XPNPEP3: variants seen among roughly 807,000 people sequenced by gnomAD.
XPNPEP3 encodes X-prolyl aminopeptidase 3.
XPNPEP3 carries 41 observed loss-of-function variants against 60.0 expected under a neutral mutation model. The ratio of observed to expected loss-of-function variants is 0.68; its 90% CI spans 0.53 to 0.89. The LOEUF (loss-of-function observed/expected upper bound fraction) is 0.89. XPNPEP3 is among the 40% of genes least tolerant of loss of function. XPNPEP3 has a pLI of 0.00. For synonymous variants in XPNPEP3, 212 were observed against 223.2 expected, an observed-to-expected ratio of 0.95 and a Z score of 0.45; for missense variants, 598 against 638.9, an observed-to-expected ratio of 0.94 and a Z score of 0.69.
At chr22:40,866,624 T>A (rs1414955383) in intron 1 of XPNPEP3, among the ~76,000 whole-genome samples, 1 of 152,214 alleles carries the variant, frequency 6.6e-6, no homozygotes, top group Non-Finnish European at 1.5e-5. Context: ...ATCCAAATCA[T>A]GAAGTTTCCT....
At chr22:40,866,732 TTAATG>T (rs1247781706) in intron 1 of XPNPEP3, among the ~76,000 whole-genome samples, 16 of 152,184 alleles carry the variant, frequency 1.1e-4, no homozygotes, top group African/African-American at 3.1e-4. Flanking sequence ...CAAAAGATGT[TTAATG>T]TAAGTAAAAA....
At chr22:40,885,307 A>C (rs1332212820) in intron 3 of XPNPEP3, among the ~76,000 whole-genome samples, 4 of 152,218 alleles carry the variant, frequency 2.6e-5, no homozygotes, top group African/African-American at 9.6e-5. Context: ...TACTGTTAGA[A>C]AAAAAGAACA....
intron 4 of XPNPEP3, among the ~76,000 whole-genome samples, chr22:40,892,190 T>C (rs1601505364): frequency 6.7e-6 from 1 of 149,414 alleles, no homozygotes; most frequent in Admixed American, 6.7e-5. Flanking sequence ...ATTTCTTTTC[T>C]TTTTTTTTTC....
chr22:40,926,139 T>C, intron 9 of XPNPEP3, 130 bp from the exon 10 acceptor site: 1 of 945,932 alleles, frequency 1.1e-6, no homozygotes, highest in Non-Finnish European at 1.7e-6. Flanking sequence ...CCTCACAGCT[T>C]TACTAGGTAG....
At chr22:40,860,799 C>A (rs1201067929) in intron 1 of XPNPEP3, 9 of 635,052 alleles carry the variant, frequency 1.4e-5, no homozygotes, top group African/African-American at 1.9e-5. Flanking sequence ...TACAGGTGCA[C>A]ACCACCACAC....
rs1277034612 is a variant in XPNPEP3 at position 40,898,444 on chromosome 22, G to A, written c.793-9143G>A. ...AATTTTTTGTATTTTTAGTAGAGAC[G>A]GGGTTTCACCTTGTTAGCCAGGATG... On this transcript the variant is annotated intron_variant, in intron 4 of 9. Coordinates refer to ENST00000357137, the MANE Select transcript of XPNPEP3 (RefSeq NM_022098.4). 2.3e-5 allele frequency among the ~76,000 whole-genome samples: 3 copies of A among 132,894 alleles called. No homozygotes were observed. In the East Asian group the frequency reaches 6.0e-4, roughly 26 times the overall value. 87.2% of individuals were successfully genotyped at this position (132,894 alleles called of 152,430 possible).
intron 2 of XPNPEP3, among the ~76,000 whole-genome samples, chr22:40,873,889 A>G (rs2145778736): frequency 6.6e-6 from 1 of 152,314 alleles, no homozygotes; most frequent in African/African-American, 2.4e-5. Context: ...TGATGAAATG[A>G]TTGATTCTAG....
At position 40,881,784 on chromosome 22, in the gene XPNPEP3, G is replaced by A; in HGVS notation, c.196G>A (p.Gly66Arg). ...HLLRPGEVTPGLSQVEYALRR... is the reference protein window; with the variant it reads ...HLLRPGEVTPRLSQVEYALRR... ...GTCATTTCTAGGGGAGGTAACTCCA[G>A]GACTATCTCAGGTGGAATATGCACT... The change falls in exon 3 of 10, where the codon GGA (glycine) becomes AGA (arginine). Residue 66 changes from glycine to arginine, a missense_variant. Coordinates refer to ENST00000357137, the MANE Select transcript of XPNPEP3 (RefSeq NM_022098.4). 1 of 1,614,090 alleles carries A rather than the reference G, an allele frequency of 6.2e-7. No homozygotes were observed. The highest frequency in any genetic ancestry group is 8.5e-7 in the Non-Finnish European group (1 of 1,179,972).
chr22:40,861,458 A>G, intron 1 of XPNPEP3: 1 of 1,614,122 alleles, frequency 6.2e-7, no homozygotes, highest in South Asian at 1.1e-5. Flanking sequence ...TGTCCATCCC[A>G]CTATTATCAA....
At position 40,862,657 on chromosome 22, in the gene XPNPEP3, T is replaced by C. The variant is rs117548438; in HGVS notation, c.64+5412T>C. 2,269 of 985,464 alleles carry C rather than the reference T, an allele frequency of 2.3e-3. 8 individuals are homozygous for C. In the East Asian group the frequency reaches 0.028, roughly 12 times the overall value. The allele number at this position is 985,464 out of a possible 1,614,324, so 61.0% of individuals were successfully genotyped here. A position where few individuals can be genotyped will look rare whatever the true frequency, so the allele number is the denominator to read the frequency against. ...GCCTCTTGGAGGAAGTAGCCTGATA[T>C]GTTAACTTTCTGCATGCCAGTGGTA... On this transcript the variant is annotated intron_variant, in intron 1 of 9. Coordinates refer to ENST00000357137, the MANE Select transcript of XPNPEP3 (RefSeq NM_022098.4).
At chr22:40,862,020 T>C (rs1272308359) in intron 1 of XPNPEP3, 1 of 1,559,508 alleles carries the variant, frequency 6.4e-7, no homozygotes, top group Non-Finnish European at 8.6e-7. Flanking sequence ...TGGAAGTGGG[T>C]GTGCTGGGTA....
chr22:40,918,552 T>A (rs1054572609), intron 7 of XPNPEP3, among the ~76,000 whole-genome samples: 1 of 151,792 alleles, frequency 6.6e-6, no homozygotes, highest in Admixed American at 6.6e-5. Flanking sequence ...GGCATGGTGG[T>A]GGGTGCCTGC....
At chr22:40,860,728 C>A in intron 1 of XPNPEP3, 1 of 875,772 alleles carries the variant, frequency 1.1e-6, no homozygotes, top group Non-Finnish European at 1.7e-6. Context: ...TCCCATTACA[C>A]TGCAACCTAT....
In XPNPEP3 at chr22:40,929,621, G is replaced by C. The variant is rs1033448236; in HGVS notation, c.*3186G>C. ...GTTCTATAGGTGTTATTGGTAGGCA[G>C]AAAGGCTGTTGTAGAATTCTTCTGG... On this transcript the variant is annotated 3_prime_UTR_variant, in exon 10 of 10. Transcript: ENST00000357137. 6.6e-6 allele frequency: 1 copy of C among 152,216 alleles called. No individual in the cohort carries two copies. Among genetic ancestry groups the C allele is most frequent in the African/African-American group, 2.4e-5 (1 of 41,444 alleles). 9.4% of individuals were successfully genotyped at this position (152,216 alleles called of 1,614,324 possible). A position where few individuals can be genotyped will look rare whatever the true frequency, so the allele number is the denominator to read the frequency against.
At chr22:40,877,483 T>C (rs2058031953) in intron 2 of XPNPEP3, among the ~76,000 whole-genome samples, 1 of 152,218 alleles carries the variant, frequency 6.6e-6, no homozygotes, top group Non-Finnish European at 1.5e-5. Context: ...GGGTGTTTTG[T>C]GTAGCTGGTA....
intron 2 of XPNPEP3, among the ~76,000 whole-genome samples, chr22:40,880,165 G>A (rs564643158): frequency 1.3e-5 from 2 of 151,780 alleles, no homozygotes; most frequent in South Asian, 4.2e-4. Context: ...CCAGTACATG[G>A]GACATAAAAG....
intron 1 of XPNPEP3, among the ~76,000 whole-genome samples, chr22:40,858,185 A>G (rs1393512094): frequency 1.3e-5 from 2 of 151,730 alleles, no homozygotes; most frequent in Admixed American, 1.3e-4. Flanking sequence ...GCTCATTTGC[A>G]ACCTCTGCCT....
chr22:40,923,128 A>G (rs1319987289), intron 8 of XPNPEP3, among the ~76,000 whole-genome samples: 1 of 151,616 alleles, frequency 6.6e-6, no homozygotes, highest in Non-Finnish European at 1.5e-5. Flanking sequence ...TGGGAGGATC[A>G]CTTGACCCCA....
intron 1 of XPNPEP3, chr22:40,861,800 A>G: frequency 6.2e-7 from 1 of 1,613,194 alleles, no homozygotes; most frequent in African/African-American, 1.3e-5. Flanking sequence ...CATATTTATC[A>G]TAAATGTCCC....
Sources: gnomAD v4.1 joint callset for allele counts (sites outside exome capture counted in the v4.1 genomes callset) on GRCh38, gnomAD v4.1.1 for gene constraint, MANE v1.5 for transcripts, NCBI Gene and HGNC (gene_info 2026-07-23, HGNC 2026-07-21) for gene names.